Variants in ITPKB observed in about 807,000 individuals in gnomAD.
ITPKB encodes inositol-trisphosphate 3-kinase B, also known as IP3 3-kinase B.
Under a neutral mutation model 69.4 loss-of-function variants are expected in ITPKB, and 13 were observed. That is an observed-to-expected ratio of 0.19 (90% confidence interval 0.12 to 0.30). ITPKB has a LOEUF of 0.30. Ranked by LOEUF, ITPKB falls within the 10% of genes least tolerant of loss-of-function variation. The pLI is 1.00. For missense variants in ITPKB, 1,240 were observed against 1,250.5 expected (o/e 0.99, Z 0.13); for synonymous variants, 584 against 513.7 (o/e 1.14, Z -1.85).
At chr1:226,707,842 T>A in intron 2 of ITPKB, 1 of 1,227,124 alleles carries the variant, frequency 8.1e-7, no homozygotes, top group East Asian at 6.0e-5. Context: ...GAAGATGAAA[T>A]ATGCTATACA....
chr1:226,688,315 T>A (rs1045765312), intron 2 of ITPKB, among the ~76,000 whole-genome samples: 1 of 152,124 alleles, frequency 6.6e-6, no homozygotes, highest in Admixed American at 6.5e-5. Flanking sequence ...TTAGACAACA[T>A]CCCTTGGGGA....
intron 2 of ITPKB, among the ~76,000 whole-genome samples, chr1:226,727,109 A>G (rs753960910): frequency 1.3e-5 from 2 of 152,224 alleles, no homozygotes; most frequent in Non-Finnish European, 2.9e-5. Context: ...TCCTTTCCCC[A>G]TAATATTATG....
rs375290221 is a variant in ITPKB, at chr1:226,701,870, AC to A, written c.1932+33656del. 4.9e-4 allele frequency among the ~76,000 whole-genome samples: 74 copies of A among 152,062 alleles called. No homozygotes were observed. In the East Asian group the frequency reaches 0.014, roughly 28 times the overall value. ...CTTCTGACTCCTTGTCAGCATCAGC[AC>A]TCCCTAATTCTGCAGAATAACTGGT... On this transcript the variant is annotated intron_variant, in intron 2 of 7. Coordinates refer to ENST00000429204, the MANE Select transcript of ITPKB (RefSeq NM_002221.4).
intron 2 of ITPKB, among the ~76,000 whole-genome samples, chr1:226,659,843 T>A (rs1190631947): frequency 1.3e-5 from 2 of 152,066 alleles, no homozygotes; most frequent in Non-Finnish European, 1.5e-5. Flanking sequence ...CCTAACCTTC[T>A]CTATGTCCCC....
At chr1:226,666,690 C>T (rs1669510673) in intron 2 of ITPKB, among the ~76,000 whole-genome samples, 2 of 152,308 alleles carry the variant, frequency 1.3e-5, no homozygotes, top group South Asian at 4.1e-4. Flanking sequence ...TCCTATCTCT[C>T]CAGGATCACA....
intron 2 of ITPKB, chr1:226,707,592 C>A: frequency 1.0e-6 from 1 of 986,678 alleles, no homozygotes; most frequent in Non-Finnish European, 1.2e-6. Context: ...TCAACATGTT[C>A]GGGCAGTGGG....
intron 2 of ITPKB, among the ~76,000 whole-genome samples, chr1:226,651,757 G>C (rs1181085089): frequency 6.6e-6 from 1 of 152,186 alleles, no homozygotes; most frequent in Admixed American, 6.5e-5. Context: ...CTCTCCCAGA[G>C]GCTAAAGACC....
At chr1:226,720,925 C>T (rs1162200017) in intron 2 of ITPKB, among the ~76,000 whole-genome samples, 1 of 151,938 alleles carries the variant, frequency 6.6e-6, no homozygotes, top group Non-Finnish European at 1.5e-5. Context: ...GTCTGTAATC[C>T]CAGCTACTCA....
intron 2 of ITPKB, among the ~76,000 whole-genome samples, chr1:226,672,007 C>T (rs960566864): frequency 6.6e-6 from 1 of 152,134 alleles, no homozygotes; most frequent in Non-Finnish European, 1.5e-5. Flanking sequence ...AAAAGGCTCA[C>T]GCTGCTTCTG....
chr1:226,642,299 C>G lies in ITPKB; in HGVS notation c.2247-174G>C, dbSNP rs1210503141. ...GAGGGGACGGCAGACTCTGTTCCAG[C>G]TGGGGCTGGCTCTAATTTTTCTTTT... On this transcript the variant is annotated intron_variant, in intron 4 of 7. Coordinates refer to ENST00000429204, the MANE Select transcript of ITPKB (RefSeq NM_002221.4). This position sits in a 1 kb window ranked among gnomAD's most constrained non-coding sequence, Gnocchi z 6.4. Among the ~76,000 whole-genome samples the G allele has an allele frequency of 6.6e-6, 1 of 152,110 alleles. No homozygotes were observed. Among genetic ancestry groups the G allele is most frequent in the Non-Finnish European group, 1.5e-5 (1 of 68,012 alleles).
chr1:226,710,235 G>A (rs755341729), intron 2 of ITPKB, among the ~76,000 whole-genome samples: 11 of 152,160 alleles, frequency 7.2e-5, no homozygotes, highest in Non-Finnish European at 1.5e-4. Context: ...GGAAGCACCT[G>A]TGTTCATGGT....
rs1323105699 is a variant in ITPKB at position 226,726,935 on chromosome 1, A to C, written c.1932+8592T>G. 2.0e-5 allele frequency among the ~76,000 whole-genome samples: 3 copies of C among 152,174 alleles called. No individual in the cohort carries two copies. In the South Asian group the frequency reaches 6.2e-4, roughly 31 times the overall value. ...CAACAAAATCTCTTAGCCATTTCTT[A>C]AACTACTGGCAGGTAGTTAGATTTT... On this transcript the variant is annotated intron_variant, in intron 2 of 7. Transcript: ENST00000429204.
chr1:226,660,254 T>C (rs956904184), intron 2 of ITPKB, among the ~76,000 whole-genome samples: 4 of 152,192 alleles, frequency 2.6e-5, no homozygotes, highest in African/African-American at 4.8e-5. Context: ...TTCGTGGGCA[T>C]CCCCAGTATC....
intron 2 of ITPKB, among the ~76,000 whole-genome samples, chr1:226,656,338 G>A (rs1669286511): frequency 6.6e-6 from 1 of 152,210 alleles, no homozygotes; most frequent in Non-Finnish European, 1.5e-5. Context: ...GCAGGTGTGG[G>A]AGGGGCTGCA....
intron 2 of ITPKB, among the ~76,000 whole-genome samples, chr1:226,678,739 C>G (rs187432143): frequency 6.6e-6 from 1 of 152,136 alleles, no homozygotes; most frequent in African/African-American, 2.4e-5. Context: ...TGGGATAAGG[C>G]TTTGGTGAGC....
chr1:226,723,975 C>G (rs897344704), intron 2 of ITPKB, among the ~76,000 whole-genome samples: 6 of 152,252 alleles, frequency 3.9e-5, no homozygotes, highest in Admixed American at 3.3e-4. Flanking sequence ...CAACGTGACT[C>G]GAGCCAATTG....
chr1:226,673,973 G>C (rs1254070998), intron 2 of ITPKB, among the ~76,000 whole-genome samples: 1 of 152,076 alleles, frequency 6.6e-6, no homozygotes, highest in Non-Finnish European at 1.5e-5. Flanking sequence ...TGGCATGGCT[G>C]GGGGCAGAGC....
intron 2 of ITPKB, among the ~76,000 whole-genome samples, chr1:226,666,411 AC>A (rs969304515): frequency 1.3e-5 from 2 of 152,138 alleles, no homozygotes; most frequent in Admixed American, 1.3e-4. Context: ...ATCATATGTG[AC>A]GGACATGGCT....
chr1:226,684,281 C>T (rs1656151051), intron 2 of ITPKB, among the ~76,000 whole-genome samples: 1 of 152,182 alleles, frequency 6.6e-6, no homozygotes, highest in African/African-American at 2.4e-5. Context: ...GAAGCACTTG[C>T]TCATCTGTTA....
Sources: gnomAD v4.1 joint callset for allele counts (sites outside exome capture counted in the v4.1 genomes callset) on GRCh38, gnomAD v4.1.1 for gene constraint, Gnocchi (gnomAD v3.1) non-coding constraint, MANE v1.5 for transcripts, NCBI Gene and HGNC (gene_info 2026-07-23, HGNC 2026-07-21) for gene names.